Variants in MAGI2 observed in about 807,000 individuals in gnomAD.
MAGI2 encodes the protein membrane-associated guanylate kinase, WW and PDZ domain-containing protein 2.
A neutral mutation model predicts 133.3 loss-of-function variants in MAGI2; 35 were observed. The ratio of observed to expected loss-of-function variants is 0.26; its 90% confidence interval spans 0.20 to 0.35. The LOEUF is 0.35. Among genes scored for constraint, MAGI2 ranks in the 10% least tolerant of loss-of-function variants. MAGI2 has a pLI of 1.00. For missense variants in MAGI2, 1,636 were observed against 1,863.4 expected (o/e 0.88, Z 2.25); for synonymous variants, 729 against 710.6 (o/e 1.03, Z -0.41).
intron 20 of MAGI2, among the ~76,000 whole-genome samples, chr7:78,107,227 G>T (rs547750545): frequency 1.3e-5 from 2 of 152,194 alleles, no homozygotes; most frequent in East Asian, 3.9e-4. Context: ...CTAGTTTTAT[G>T]CCAGTACCAT....
intron 1 of MAGI2, among the ~76,000 whole-genome samples, chr7:79,291,446 G>A (rs1243484809): frequency 6.6e-6 from 1 of 152,028 alleles, no homozygotes; most frequent in African/African-American, 2.4e-5. Context: ...TGGAATTACT[G>A]GGTCTTATGG....
At chr7:78,303,147 G>A (rs765340189) in intron 9 of MAGI2, among the ~76,000 whole-genome samples, 19 of 152,146 alleles carry the variant, frequency 1.2e-4, no homozygotes, top group African/African-American at 3.9e-4. Flanking sequence ...GGAGGCCAAG[G>A]TGGGTGGATC....
chr7:79,214,081 A>G (rs1252355989), intron 1 of MAGI2, among the ~76,000 whole-genome samples: 1 of 151,916 alleles, frequency 6.6e-6, no homozygotes, highest in Non-Finnish European at 1.5e-5. Flanking sequence ...TTGCAGTTCA[A>G]ACTCTTAAGA....
At chr7:79,136,127 A>AAG (rs1225606986) in intron 1 of MAGI2, among the ~76,000 whole-genome samples, 3 of 146,892 alleles carry the variant, frequency 2.0e-5, no homozygotes, top group Non-Finnish European at 4.5e-5. Flanking sequence ...GAAAGAAAGA[A>AAG]AGACACAAAA....
intron 1 of MAGI2, among the ~76,000 whole-genome samples, chr7:79,424,750 T>C (rs189678984): frequency 6.6e-6 from 1 of 152,334 alleles, no homozygotes; most frequent in East Asian, 1.9e-4. Flanking sequence ...ACATAGTCTA[T>C]ATTCACTCAG....
Position 79,256,486 on chromosome 7 carries a change from CTTTT to C in MAGI2, c.301+196530_301+196533del, listed in dbSNP as rs11303181. ...GTCTTTTCTGTCTCTCTCTCTCTCT[CTTTT>C]TTTTTTTTTTTTTTTTTTTGACAGA... On this transcript the variant is annotated intron_variant, in intron 1 of 21. Coordinates refer to ENST00000354212, the MANE Select transcript of MAGI2 (RefSeq NM_012301.4). Among the ~76,000 whole-genome samples, 432 of 82,792 alleles carry C rather than the reference CTTTT, an allele frequency of 5.2e-3. 1 individual carries two copies. The highest frequency in any genetic ancestry group is 8.5e-3 in the Non-Finnish European group (375 of 44,364). The allele number at this position is 82,792 out of a possible 152,430, so 54.3% of individuals were successfully genotyped here. A position where few individuals can be genotyped will look rare whatever the true frequency, so the allele number is the denominator to read the frequency against.
chr7:78,363,511 G>A (rs200070896), intron 7 of MAGI2, among the ~76,000 whole-genome samples: 5 of 147,788 alleles, frequency 3.4e-5, no homozygotes, highest in South Asian at 4.3e-4. Flanking sequence ...TAATAATAAT[G>A]ATAATAATAA....
chr7:78,686,043 A>G (rs896446256), intron 2 of MAGI2, among the ~76,000 whole-genome samples: 10 of 146,560 alleles, frequency 6.8e-5, no homozygotes, highest in African/African-American at 2.5e-4. Flanking sequence ...ACCTATTCAC[A>G]TTGGAAGGTG....
chr7:78,868,225 G>A (rs1275344528), intron 2 of MAGI2, among the ~76,000 whole-genome samples: 2 of 152,092 alleles, frequency 1.3e-5, no homozygotes, highest in Non-Finnish European at 2.9e-5. Context: ...CTTAACAATA[G>A]TCAAAAACAA....
chr7:79,235,177 A>G (rs1831786803), intron 1 of MAGI2, among the ~76,000 whole-genome samples: 1 of 152,050 alleles, frequency 6.6e-6, no homozygotes, highest in Non-Finnish European at 1.5e-5. Flanking sequence ...GCGTGTTGGG[A>G]GAACCACTGC....
chr7:78,179,028 C>T (rs1826937989), intron 13 of MAGI2, among the ~76,000 whole-genome samples: 1 of 152,196 alleles, frequency 6.6e-6, no homozygotes, highest in Non-Finnish European at 1.5e-5. Flanking sequence ...CCCCTTGCCC[C>T]TTGGCACCTT....
At chr7:79,277,190 T>C (rs1835291047) in intron 1 of MAGI2, among the ~76,000 whole-genome samples, 1 of 152,072 alleles carries the variant, frequency 6.6e-6, no homozygotes, top group Non-Finnish European at 1.5e-5. Context: ...CATCCCAACC[T>C]TCAGCAACTA....
intron 1 of MAGI2, among the ~76,000 whole-genome samples, chr7:79,219,121 T>C (rs962421792): frequency 3.9e-5 from 6 of 152,198 alleles, no homozygotes; most frequent in African/African-American, 1.4e-4. Context: ...AGATGAGTTA[T>C]TTCTACAATA....
chr7:78,459,251 A>G (rs1789697517), intron 6 of MAGI2, among the ~76,000 whole-genome samples: 1 of 152,240 alleles, frequency 6.6e-6, no homozygotes, highest in African/African-American at 2.4e-5. Context: ...TAAGAGTTGC[A>G]TAATAATCTG....
At chr7:78,129,191 C>T (rs545291389) in intron 18 of MAGI2, among the ~76,000 whole-genome samples, 36 of 150,882 alleles carry the variant, frequency 2.4e-4, no homozygotes, top group African/African-American at 7.3e-4. Context: ...GTAATACAAA[C>T]GAGTAAAAAT....
chr7:78,712,256 A>G (rs923224982), intron 2 of MAGI2, among the ~76,000 whole-genome samples: 1 of 152,182 alleles, frequency 6.6e-6, no homozygotes, highest in African/African-American at 2.4e-5. Context: ...TGATGGAAAG[A>G]TGACTAGATA....
Position 78,268,760 on chromosome 7 carries a change from C to T in MAGI2, c.1409-12179G>A, listed in dbSNP as rs542003293. On this transcript the variant is annotated intron_variant, in intron 9 of 21. Transcript: ENST00000354212. Reference sequence around the variant, plus strand: ...TCTAATTTACATTTGACTGCTTGAACTGAAAAGTATTACATAATGTAAACA... The same window carrying T: ...TCTAATTTACATTTGACTGCTTGAATTGAAAAGTATTACATAATGTAAACA... Among the ~76,000 whole-genome samples the T allele has an allele frequency of 2.2e-4, 33 of 152,186 alleles. No individual in the cohort carries two copies. In the South Asian group the frequency reaches 5.8e-3, roughly 27 times the overall value.
At chr7:79,030,544 T>G (rs17151836) in intron 1 of MAGI2, among the ~76,000 whole-genome samples, 6,843 of 152,162 alleles carry the variant, frequency 0.045, 333 homozygotes, top group East Asian at 0.18. Flanking sequence ...CATTGTGAAT[T>G]TGGGACTAAA....
chr7:78,870,636 A>G (rs939568495), intron 2 of MAGI2, among the ~76,000 whole-genome samples: 2 of 152,188 alleles, frequency 1.3e-5, no homozygotes, highest in Non-Finnish European at 2.9e-5. Flanking sequence ...GGAAAACAGT[A>G]TGGAGATTCC....
Sources: gnomAD v4.1 joint callset for allele counts (sites outside exome capture counted in the v4.1 genomes callset) on GRCh38, gnomAD v4.1.1 for gene constraint, MANE v1.5 for transcripts, NCBI Gene and HGNC (gene_info 2026-07-23, HGNC 2026-07-21) for gene names.